The following RNF223 variants were observed in gnomAD, a reference collection of about 807,000 sequenced individuals.
RNF223 encodes the protein ring finger protein 223.
Under a neutral mutation model 13.9 loss-of-function variants are expected in RNF223, and 10 were observed. The ratio of observed to expected loss-of-function variants is 0.72; its 90% CI spans 0.44 to 1.22. The LOEUF (loss-of-function observed/expected upper bound fraction) is 1.22. Among genes scored for constraint, RNF223 ranks in the 50% most tolerant of loss-of-function variants. The probability of loss-of-function intolerance (pLI) is 0.00; values close to 1 mark genes in which losing one functional copy is unlikely to be tolerated. For missense variants in RNF223, 379 were observed against 380.0 expected (o/e 1.00, Z 0.02); for synonymous variants, 168 against 173.3 (o/e 0.97, Z 0.24).
chr1:1,071,855 TGC>T lies in RNF223; in HGVS notation c.710_711del (p.Ser237AsnfsTer11). The stretch of plus-strand genomic sequence containing the variant: ...AGAGGCCCGAGGGGGGAGGCGGCTG[TGC>T]TGGTGGCCGGGGGCCGGGGGGGCAG... ...LPLPPRPPAT[S>X]TAASPLGPLT... On this transcript the variant is annotated frameshift_variant, in exon 2 of 2. Transcript: ENST00000453464. LOFTEE classifies it high-confidence loss of function. 6.6e-7 allele frequency: 1 copy of T among 1,508,316 alleles called. No individual in the cohort carries two copies. Among genetic ancestry groups the T allele is most frequent in the Non-Finnish European group, 8.8e-7 (1 of 1,131,032 alleles). 93.4% of individuals were successfully genotyped at this position (1,508,316 alleles called of 1,614,324 possible).
chr1:1,071,575 T>G lies in RNF223; in HGVS notation c.*242A>C. The stretch of plus-strand genomic sequence containing the variant: ...GCCACCGCGCCCGGTGAGACTGTGG[T>G]TCTTGGAGGCTTTGGGGATCCTCTT... On this transcript the variant is annotated 3_prime_UTR_variant, in exon 2 of 2. Coordinates refer to ENST00000453464, the MANE Select transcript of RNF223 (RefSeq NM_001205252.2). 6.8e-6 allele frequency: 3 copies of G among 440,298 alleles called. No individual in the cohort carries two copies. Among genetic ancestry groups the G allele is most frequent in the South Asian group, 4.6e-5 (1 of 21,734 alleles). 27.3% of individuals were successfully genotyped at this position (440,298 alleles called of 1,614,324 possible).
rs1303728047 is a variant in RNF223, at chr1:1,072,220, C to T, written c.347G>A (p.Cys116Tyr). Residue 116 changes from cysteine to tyrosine, a missense_variant, in exon 2 of 2, where the codon TGC becomes TAC. Cys to Tyr is a radical substitution (Grantham distance 194). Coordinates refer to ENST00000453464, the MANE Select transcript of RNF223 (RefSeq NM_001205252.2). The stretch of plus-strand genomic sequence containing the variant: ...CCGGGCCTGCAGCTGGCGGCTGGTG[C>T]ACAGCGCGGGGGCTCCGGCGGGCGG... ...AVPPAGAPALCTSRQLQARMP... is the reference protein window; with the variant it reads ...AVPPAGAPALYTSRQLQARMP... 6.7e-7 allele frequency: 1 copy of T among 1,488,650 alleles called. No homozygotes were observed. The highest frequency in any genetic ancestry group is 2.6e-5 in the East Asian group (1 of 37,872). The allele number at this position is 1,488,650 out of a possible 1,614,324, so 92.2% of individuals were successfully genotyped here. A position where few individuals can be genotyped will look rare whatever the true frequency, so the allele number is the denominator to read the frequency against.
intron 1 of RNF223, 116 bp from the exon 2 acceptor site, chr1:1,072,691 GC>G: frequency 1.1e-6 from 1 of 884,786 alleles, no homozygotes; most frequent in Non-Finnish European, 1.6e-6. Context: ...TTTCCTGCGC[GC>G]CACTCCAGAA....
chr1:1,073,919 G>A (rs1645662555), intron 1 of RNF223, 97 bp downstream of exon 1: 1 of 152,340 alleles, frequency 6.6e-6, no homozygotes. Flanking sequence ...GTACCCCACA[G>A]AACCGGTTCC....
chr1:1,073,090 C>G (rs985780492), intron 1 of RNF223, among the ~76,000 whole-genome samples: 3 of 152,218 alleles, frequency 2.0e-5, no homozygotes, highest in Non-Finnish European at 4.4e-5. Flanking sequence ...CTGGCAGATA[C>G]GGCTCTCAGG....
rs1368922765 is a variant in RNF223, at chr1:1,074,242, G to A, written c.-236C>T. On this transcript the variant is annotated 5_prime_UTR_variant, in exon 1 of 2. Transcript: ENST00000453464. ...GCTTCTGCTCTGTCCAAGACAGGCG[G>A]GGACACAAGGAATGCGTGCGCCGTC... The A allele has an allele frequency of 6.6e-6, 1 of 152,300 alleles. No individual in the cohort carries two copies. Among genetic ancestry groups the A allele is most frequent in the African/African-American group, 2.4e-5 (1 of 41,442 alleles). The allele number at this position is 152,300 out of a possible 1,614,324, so 9.4% of individuals were successfully genotyped here.
chr1:1,072,654 C>T, intron 1 of RNF223, 79 bp from the exon 2 acceptor site: 1 of 1,175,826 alleles, frequency 8.5e-7, no homozygotes, highest in Non-Finnish European at 1.1e-6. Context: ...CCCTCTCTCG[C>T]CCCAGAGATC....
rs1016660149 is a variant in RNF223, at chr1:1,072,209, G to C, written c.358C>G (p.Gln120Glu). 7 of 1,495,086 alleles carry C rather than the reference G, an allele frequency of 4.7e-6. No homozygotes were observed. Among genetic ancestry groups the C allele is most frequent in the Middle Eastern group, 1.8e-4 (1 of 5,538 alleles). 92.6% of individuals were successfully genotyped at this position (1,495,086 alleles called of 1,614,324 possible). ...AGAPALCTSR[Q>E]LQARMPAHLR... ...TGCGCCGGCATCCGGGCCTGCAGCT[G>C]GCGGCTGGTGCACAGCGCGGGGGCT... The change falls in exon 2 of 2, where the codon CAG becomes GAG. Residue 120 changes from glutamine to glutamate, a missense_variant. Transcript: ENST00000453464.
At chr1:1,073,767 C>T (rs1645661479) in intron 1 of RNF223, among the ~76,000 whole-genome samples, 1 of 152,148 alleles carries the variant, frequency 6.6e-6, no homozygotes. Context: ...CACTGCCCCG[C>T]CCCACCCCTG....
Position 1,072,464 on chromosome 1 carries a change from TG to T in RNF223, c.102del (p.Arg35GlyfsTer130). The stretch of plus-strand genomic sequence containing the variant: ...TCCGAGCCAGGGGTGCCAGGGGACC[TG>T]GGGCTGCCGGCCGAGCTGGGGGACC... ...MPRSPSSAGS[P>X]RSPGTPGSER... On this transcript the variant is annotated frameshift_variant, in exon 2 of 2. Coordinates refer to ENST00000453464, the MANE Select transcript of RNF223 (RefSeq NM_001205252.2). LOFTEE classifies it high-confidence loss of function. 1.3e-6 allele frequency: 2 copies of T among 1,526,530 alleles called. No individual in the cohort carries two copies. The highest frequency in any genetic ancestry group is 1.7e-6 in the Non-Finnish European group (2 of 1,142,892). 94.6% of individuals were successfully genotyped at this position (1,526,530 alleles called of 1,614,324 possible). A position where few individuals can be genotyped will look rare whatever the true frequency, so the allele number is the denominator to read the frequency against.
rs368270701 is a variant in RNF223, at chr1:1,072,175, C to G, written c.392G>C (p.Arg131Pro). Residue 131 changes from arginine (R) to proline (P), a missense_variant, in exon 2 of 2, where the codon CGT becomes CCT. Physicochemically the swap from Arg to Pro is moderately radical, Grantham distance 103. Transcript: ENST00000453464. ...GCCCTCCAGCCACACAGGCTCCTCA[C>G]GCCGCAAATGCGCCGGCATCCGGGC... is the stretch of plus-strand genomic sequence containing the variant. ...LQARMPAHLR[R>P]EEPVWLEGTK... The G allele has an allele frequency of 8.0e-6, 12 of 1,508,646 alleles. No individual in the cohort carries two copies. Among genetic ancestry groups the G allele is most frequent in the Non-Finnish European group, 1.1e-5 (12 of 1,135,206 alleles). 93.5% of individuals were successfully genotyped at this position (1,508,646 alleles called of 1,614,324 possible). A position where few individuals can be genotyped will look rare whatever the true frequency, so the allele number is the denominator to read the frequency against.
In RNF223 at chr1:1,071,598, C is replaced by G. The variant is rs1645639322; in HGVS notation, c.*219G>C. On this transcript the variant is annotated 3_prime_UTR_variant, in exon 2 of 2. Transcript: ENST00000453464. ...GGTTCTTGGAGGCTTTGGGGATCCT[C>G]TTGTCCACCCCGTCAGGACCCAGCC... 2.1e-6 allele frequency: 1 copy of G among 484,056 alleles called. No individual in the cohort carries two copies. 30.0% of individuals were successfully genotyped at this position (484,056 alleles called of 1,614,324 possible). A position where few individuals can be genotyped will look rare whatever the true frequency, so the allele number is the denominator to read the frequency against.
chr1:1,071,531 G>C lies in RNF223; in HGVS notation c.*286C>G. The C allele has an allele frequency of 2.9e-6, 1 of 343,904 alleles. No homozygotes were observed. The highest frequency in any genetic ancestry group is 5.3e-5 in the East Asian group (1 of 18,872). 21.3% of individuals were successfully genotyped at this position (343,904 alleles called of 1,614,324 possible). ...TCTTTCTGCCTCAGCCCTCCAGAGTGCTGAGATGACAGGCGTGAGCCACCG... is the reference window on the plus strand; with the variant it reads ...TCTTTCTGCCTCAGCCCTCCAGAGTCCTGAGATGACAGGCGTGAGCCACCG... On this transcript the variant is annotated 3_prime_UTR_variant, in exon 2 of 2. Coordinates refer to ENST00000453464, the MANE Select transcript of RNF223 (RefSeq NM_001205252.2).
intron 1 of RNF223, among the ~76,000 whole-genome samples, chr1:1,073,323 G>A (rs371679127): frequency 2.0e-5 from 3 of 152,210 alleles, no homozygotes; most frequent in Admixed American, 1.3e-4. Flanking sequence ...CGTCAGGCAC[G>A]ACCTGCGGCC....
rs1241200360 is a variant in RNF223 at position 1,072,251 on chromosome 1, C to T, written c.316G>A (p.Ala106Thr). Residue 106 changes from alanine (A) to threonine (T), a missense_variant, in exon 2 of 2, where the codon GCC (alanine) becomes ACC (threonine). By Grantham distance (58) the Ala-to-Thr change is moderately conservative. Coordinates refer to ENST00000453464, the MANE Select transcript of RNF223 (RefSeq NM_001205252.2). ...VPCPFCRQPT[A>T]VPPAGAPALC... ...GCGGGGGCTCCGGCGGGCGGCACGG[C>T]CGTGGGCTGCCTGCAGAAGGGGCAA... 2 of 1,441,528 alleles carry T rather than the reference C, an allele frequency of 1.4e-6. No homozygotes were observed. Among genetic ancestry groups the T allele is most frequent in the African/African-American group, 2.9e-5 (2 of 67,808 alleles). 89.3% of individuals were successfully genotyped at this position (1,441,528 alleles called of 1,614,324 possible).
intron 1 of RNF223, among the ~76,000 whole-genome samples, chr1:1,073,314 G>A (rs1314491966): frequency 2.0e-5 from 3 of 152,234 alleles, no homozygotes; most frequent in African/African-American, 4.8e-5. Context: ...GAAGGTGCAC[G>A]TCAGGCACGA....
Position 1,072,325 on chromosome 1 carries a change from C to T in RNF223, c.242G>A (p.Arg81Gln), listed in dbSNP as rs1200380113. The change falls in exon 2 of 2, where the codon CGG becomes CAG. Residue 81 changes from arginine (R) to glutamine (Q), a missense_variant. Physicochemically the swap from Arg to Gln is conservative, Grantham distance 43. Transcript: ENST00000453464. ...THVFCLECLA[R>Q]LAAAQPVGRP... ...GCCCACAGGCTGAGCAGCCGCCAGC[C>T]GGGCCAGGCACTCCAGGCAGAAGAC... The T allele has an allele frequency of 9.7e-6, 14 of 1,446,544 alleles. No individual in the cohort carries two copies. The highest frequency in any genetic ancestry group is 2.6e-5 in the East Asian group (1 of 38,750). The allele number at this position is 1,446,544 out of a possible 1,614,324, so 89.6% of individuals were successfully genotyped here.
chr1:1,072,537 C>T lies in RNF223; in HGVS notation c.30G>A (p.Thr10=), dbSNP rs747398566. Residue 10 remains threonine, a synonymous_variant, in exon 2 of 2, where the codon ACG becomes ACA. Coordinates refer to ENST00000453464, the MANE Select transcript of RNF223 (RefSeq NM_001205252.2). ...TGCTCCGGCGAGGGGGTGGCACAGC[C>T]GTGTGCCACACCTGCTGGCCTGACG... is the stretch of plus-strand genomic sequence containing the variant. MSSGQQVWH[T]AVPPPRRSSS... 19 of 1,530,742 alleles carry T rather than the reference C, an allele frequency of 1.2e-5. No individual in the cohort carries two copies. Among genetic ancestry groups the T allele is most frequent in the South Asian group, 4.8e-5 (4 of 83,634 alleles). The allele number at this position is 1,530,742 out of a possible 1,614,324, so 94.8% of individuals were successfully genotyped here.
At position 1,072,228 on chromosome 1, in the gene RNF223, G is replaced by C. The variant is rs575113059; in HGVS notation, c.339C>G (p.Pro113=). The part of the protein sequence containing the change: ...QPTAVPPAGA[P]ALCTSRQLQA... The stretch of plus-strand genomic sequence containing the variant: ...GCAGCTGGCGGCTGGTGCACAGCGC[G>C]GGGGCTCCGGCGGGCGGCACGGCCG... The change falls in exon 2 of 2, where the codon CCC becomes CCG. Residue 113 remains proline (P), a synonymous_variant. Coordinates refer to ENST00000453464, the MANE Select transcript of RNF223 (RefSeq NM_001205252.2). The C allele has an allele frequency of 2.0e-6, 3 of 1,465,072 alleles. No homozygotes were observed. Among genetic ancestry groups the C allele is most frequent in the African/African-American group, 1.5e-5 (1 of 68,100 alleles). 90.8% of individuals were successfully genotyped at this position (1,465,072 alleles called of 1,614,324 possible). A position where few individuals can be genotyped will look rare whatever the true frequency, so the allele number is the denominator to read the frequency against.
Sources: gnomAD v4.1 joint callset for allele counts (sites outside exome capture counted in the v4.1 genomes callset) on GRCh38, gnomAD v4.1.1 for gene constraint, MANE v1.5 for transcripts, NCBI Gene and HGNC (gene_info 2026-07-23, HGNC 2026-07-21) for gene names.